The following CDH19 variants were observed in gnomAD, a reference collection of about 807,000 sequenced individuals.
The protein encoded by CDH19 is cadherin 19, also known as cadherin-19.
A neutral mutation model predicts 64.2 loss-of-function variants in CDH19; 67 were observed. That is an observed-to-expected ratio of 1.04 (90% CI 0.86 to 1.28). CDH19 has a LOEUF of 1.28. Among genes scored for constraint, CDH19 ranks in the 50% most tolerant of loss-of-function variants. CDH19 has a pLI of 0.00. For missense variants in CDH19, 1,030 were observed against 929.0 expected (o/e 1.11, Z -1.41); for synonymous variants, 346 against 319.3 (o/e 1.08, Z -0.89).
At chr18:66,564,218 T>C (rs1175974476) in intron 3 of CDH19, among the ~76,000 whole-genome samples, 2 of 151,914 alleles carry the variant, frequency 1.3e-5, no homozygotes, top group Non-Finnish European at 2.9e-5. Context: ...TATTAAATTT[T>C]CTATATGCTT....
chr18:66,603,507 T>C (rs1218877828), intron 1 of CDH19, among the ~76,000 whole-genome samples: 2 of 129,436 alleles, frequency 1.5e-5, no homozygotes, highest in Admixed American at 7.7e-5. Context: ...ATTCTGTATA[T>C]ATTTTTTCTC....
chr18:66,591,906 C>G (rs1302246784), intron 1 of CDH19, among the ~76,000 whole-genome samples: 4 of 151,794 alleles, frequency 2.6e-5, no homozygotes, highest in African/African-American at 7.2e-5. Flanking sequence ...CCATATTTAT[C>G]TCTTTTCTAA....
intron 1 of CDH19, among the ~76,000 whole-genome samples, chr18:66,583,297 G>C (rs1415786767): frequency 6.6e-6 from 1 of 152,026 alleles, no homozygotes; most frequent in Admixed American, 6.6e-5. Context: ...GAAATTTATA[G>C]GGTTCGTGTG....
chr18:66,508,988 T>C lies in CDH19; in HGVS notation c.1828+7A>G. ...AAATGAGAATAGCAATGATGACTTC[T>C]ACCTACCAAATATGATCATAATGCA... is the stretch of plus-strand genomic sequence containing the variant. On this transcript the variant is annotated splice_region_variant and intron_variant, in intron 11 of 11. Transcript: ENST00000262150. The C allele has an allele frequency of 1.2e-6, 2 of 1,603,480 alleles. No individual in the cohort carries two copies. The highest frequency in any genetic ancestry group is 1.7e-6 in the Non-Finnish European group (2 of 1,171,312).
chr18:66,554,879 C>A (rs545897623), intron 3 of CDH19, among the ~76,000 whole-genome samples: 4 of 151,708 alleles, frequency 2.6e-5, no homozygotes, highest in African/African-American at 7.3e-5. Flanking sequence ...TTAAAAGGAA[C>A]TTGGAAATGC....
rs776184777 is a variant in CDH19, at chr18:66,511,718, G to GTTT, written c.1459-36_1459-34dup. ...AAAAGGGGGATAGATTTTTGTTGTT[G>GTTT]TTTGGATTCAGGAAGAAGATCACTG... is the stretch of plus-strand genomic sequence containing the variant. On this transcript the variant is annotated intron_variant, in intron 9 of 11. Transcript: ENST00000262150. 4 of 1,010,818 alleles carry GTTT rather than the reference G, an allele frequency of 4.0e-6. No homozygotes were observed. In the East Asian group the frequency reaches 9.7e-5, roughly 24 times the overall value. 62.6% of individuals were successfully genotyped at this position (1,010,818 alleles called of 1,614,324 possible).
intron 9 of CDH19, among the ~76,000 whole-genome samples, chr18:66,529,343 C>A (rs1433256059): frequency 3.3e-5 from 5 of 149,290 alleles, no homozygotes; most frequent in Admixed American, 6.7e-5. Flanking sequence ...AAAAAAAAAA[C>A]TTAAATGTGA....
chr18:66,579,071 T>C (rs956923488), intron 1 of CDH19, among the ~76,000 whole-genome samples: 6 of 151,926 alleles, frequency 3.9e-5, no homozygotes, highest in South Asian at 2.1e-4. Context: ...TGTATTGTGA[T>C]GAAAGTCTTA....
chr18:66,549,829 A>G (rs1987273953), intron 5 of CDH19, among the ~76,000 whole-genome samples: 1 of 152,066 alleles, frequency 6.6e-6, no homozygotes, highest in Non-Finnish European at 1.5e-5. Context: ...CTGTACAACT[A>G]ATGAATGGAA....
intron 2 of CDH19, 105 bp downstream of exon 2, chr18:66,571,905 T>C (rs1283915090): frequency 1.3e-6 from 1 of 752,152 alleles, no homozygotes; most frequent in African/African-American, 1.8e-5. Context: ...AGCTTTTCAA[T>C]GGCTTCACTG....
In CDH19 at chr18:66,501,914, G is replaced by C. The variant is rs538338079; in HGVS notation, c.*2898C>G. 6.6e-6 allele frequency: 1 copy of C among 151,994 alleles called. No homozygotes were observed. The highest frequency in any genetic ancestry group is 1.5e-5 in the Non-Finnish European group (1 of 67,984). 9.4% of individuals were successfully genotyped at this position (151,994 alleles called of 1,614,324 possible). A position where few individuals can be genotyped will look rare whatever the true frequency, so the allele number is the denominator to read the frequency against. On this transcript the variant is annotated 3_prime_UTR_variant, in exon 12 of 12. Coordinates refer to ENST00000262150, the MANE Select transcript of CDH19 (RefSeq NM_021153.4). ...GCACTGAGGGAACAACTAGCAGTTCGCTAGTCCTAATTTTCTTATTTTTAC... is the reference window on the plus strand; with the variant it reads ...GCACTGAGGGAACAACTAGCAGTTCCCTAGTCCTAATTTTCTTATTTTTAC...
intron 1 of CDH19, among the ~76,000 whole-genome samples, chr18:66,581,135 A>G (rs1380710676): frequency 6.6e-6 from 1 of 152,096 alleles, no homozygotes; most frequent in South Asian, 2.1e-4. Flanking sequence ...TGCTAATACT[A>G]TGTCTTATGT....
At chr18:66,592,278 T>C (rs2144630022) in intron 1 of CDH19, among the ~76,000 whole-genome samples, 1 of 151,884 alleles carries the variant, frequency 6.6e-6, no homozygotes, top group Non-Finnish European at 1.5e-5. Flanking sequence ...TACATATTTA[T>C]GGGATACAGA....
intron 1 of CDH19, among the ~76,000 whole-genome samples, chr18:66,586,493 A>G (rs1433489347): frequency 2.6e-5 from 4 of 151,958 alleles, no homozygotes; most frequent in African/African-American, 9.7e-5. Context: ...ATGGGGAAGT[A>G]GTTAGAGAAT....
chr18:66,542,973 A>G (rs1986947983), intron 7 of CDH19, among the ~76,000 whole-genome samples: 1 of 152,164 alleles, frequency 6.6e-6, no homozygotes, highest in African/African-American at 2.4e-5. Flanking sequence ...CACTGCTATA[A>G]AAGCTTTCTC....
At chr18:66,560,189 A>G (rs953900786) in intron 3 of CDH19, among the ~76,000 whole-genome samples, 48 of 152,258 alleles carry the variant, frequency 3.2e-4, no homozygotes, top group Admixed American at 2.6e-3. Context: ...GCCTAGGACA[A>G]AACTACAGTA....
intron 1 of CDH19, among the ~76,000 whole-genome samples, chr18:66,582,618 A>C (rs529357518): frequency 7.0e-6 from 1 of 143,466 alleles, no homozygotes; most frequent in East Asian, 2.1e-4. Flanking sequence ...TTAAGCATAT[A>C]ATTTGCATAC....
At chr18:66,550,702 C>A (rs1018757578) in intron 5 of CDH19, among the ~76,000 whole-genome samples, 2 of 151,996 alleles carry the variant, frequency 1.3e-5, no homozygotes, top group African/African-American at 2.4e-5. Context: ...AAGGATGTCT[C>A]CCAGCTTACA....
intron 9 of CDH19, among the ~76,000 whole-genome samples, chr18:66,515,322 A>G (rs1485093036): frequency 6.6e-6 from 1 of 151,770 alleles, no homozygotes; most frequent in Admixed American, 6.6e-5. Flanking sequence ...TTTTTATATT[A>G]CTCTAATGAG....
Sources: allele counts gnomAD v4.1 joint callset (sites outside exome capture counted in the v4.1 genomes callset), GRCh38; gene constraint gnomAD v4.1.1; transcripts MANE v1.5; gene names NCBI Gene and HGNC (gene_info 2026-07-23, HGNC 2026-07-21).